EIPR1: variants seen among roughly 807,000 people sequenced by gnomAD.
The protein encoded by EIPR1 is EARP complex and GARP complex interacting protein 1.
In EIPR1, 25 loss-of-function variants were observed where a neutral mutation model predicts 48.1. The ratio of observed to expected loss-of-function variants is 0.52; its 90% CI spans 0.38 to 0.73. The LOEUF (loss-of-function observed/expected upper bound fraction) is 0.73, where lower values mean the gene tolerates loss of function less well. EIPR1 is among the 30% of genes least tolerant of loss of function. The pLI, the probability that EIPR1 is intolerant of heterozygous loss-of-function variation, is 0.00. For missense variants in EIPR1, 415 were observed against 506.2 expected, an observed-to-expected ratio of 0.82 and a Z score of 1.73; for synonymous variants, 204 against 201.9, an observed-to-expected ratio of 1.01 and a Z score of -0.09.
Position 3,286,309 on chromosome 2 carries a change from G to A in EIPR1, c.260-28854C>T, listed in dbSNP as rs934192052. ...GTCACCGTGCCTGCCTGTGTATGAC[G>A]TGTACACACACTGCTCCTGTGTAAA... On this transcript the variant is annotated intron_variant, in intron 3 of 8. Coordinates refer to ENST00000382125, the MANE Select transcript of EIPR1 (RefSeq NM_003310.5). This position sits in a 1 kb window ranked among gnomAD's most constrained non-coding sequence, Gnocchi z 4.2. 6.6e-6 allele frequency among the ~76,000 whole-genome samples: 1 copy of A among 152,214 alleles called. No homozygotes were observed. The highest frequency in any genetic ancestry group is 1.5e-5 in the Non-Finnish European group (1 of 68,036).
intron 3 of EIPR1, among the ~76,000 whole-genome samples, chr2:3,277,219 C>T (rs541907022): frequency 6.6e-6 from 1 of 151,364 alleles, no homozygotes; most frequent in Non-Finnish European, 1.5e-5. Context: ...CACACGGCCC[C>T]GCACCTGTCT....
rs552974024 is a variant in EIPR1 at position 3,326,655 on chromosome 2, C to T, written c.259+11362G>A. On this transcript the variant is annotated intron_variant, in intron 3 of 8. Transcript: ENST00000382125. The stretch of plus-strand genomic sequence containing the variant: ...CAGAGAAAGGGGGAAGAACCCATTC[C>T]GCGTCACACACATTTCACTTCCAGG... 1.8e-4 allele frequency among the ~76,000 whole-genome samples: 27 copies of T among 152,274 alleles called. No homozygotes were observed. The South Asian group carries it at 4.1e-3, about 23-fold the overall frequency.
At chr2:3,190,031 C>A (rs1664549376) in intron 8 of EIPR1, among the ~76,000 whole-genome samples, 1 of 152,040 alleles carries the variant, frequency 6.6e-6, no homozygotes, top group South Asian at 2.1e-4. Flanking sequence ...GGCTGAGGAT[C>A]CCCCAGGACA....
At chr2:3,352,504 C>G (rs1204699952) in intron 2 of EIPR1, among the ~76,000 whole-genome samples, 1 of 152,228 alleles carries the variant, frequency 6.6e-6, no homozygotes, top group Non-Finnish European at 1.5e-5. Context: ...GCCCCTGAGC[C>G]ACCCACACTG....
chr2:3,271,207 T>G (rs554919405), intron 3 of EIPR1, among the ~76,000 whole-genome samples: 2 of 152,342 alleles, frequency 1.3e-5, no homozygotes, highest in East Asian at 3.9e-4. Context: ...AGTTACTTTC[T>G]CCATGCAAGT....
intron 2 of EIPR1, among the ~76,000 whole-genome samples, chr2:3,351,334 A>C (rs567050708): frequency 6.6e-6 from 1 of 152,302 alleles, no homozygotes; most frequent in Non-Finnish European, 1.5e-5. Context: ...TAACTTTGGT[A>C]CCAATGGTTC....
At chr2:3,277,192 C>A (rs1667875005) in intron 3 of EIPR1, among the ~76,000 whole-genome samples, 1 of 151,728 alleles carries the variant, frequency 6.6e-6, no homozygotes, top group Non-Finnish European at 1.5e-5. Flanking sequence ...CCACGCGGCC[C>A]CACACCTGTC....
At chr2:3,267,954 C>T (rs1667543144) in intron 3 of EIPR1, among the ~76,000 whole-genome samples, 2 of 152,240 alleles carry the variant, frequency 1.3e-5, no homozygotes, top group Admixed American at 6.5e-5. Context: ...CCCTGTGTAG[C>T]GCACAGACTG....
intron 3 of EIPR1, among the ~76,000 whole-genome samples, chr2:3,290,802 C>T (rs62121505): frequency 0.032 from 4,889 of 152,330 alleles, 102 homozygotes; most frequent in Non-Finnish European, 0.049. Flanking sequence ...CTGGGTCTTT[C>T]GCGAATCAAC....
rs189500662 is a variant in EIPR1 at position 3,269,110 on chromosome 2, A to G, written c.260-11655T>C. Among the ~76,000 whole-genome samples the G allele has an allele frequency of 7.9e-5, 12 of 152,356 alleles. No individual in the cohort carries two copies. In the East Asian group the frequency reaches 2.3e-3, roughly 29 times the overall value. ...TCCCCATCTACTCCATCATGTGGGC[A>G]TGCTGTACACTGAGCACTGCACATC... On this transcript the variant is annotated intron_variant, in intron 3 of 8. Transcript: ENST00000382125.
chr2:3,295,345 T>C (rs868779705), intron 3 of EIPR1, among the ~76,000 whole-genome samples: 1,132 of 23,280 alleles, frequency 0.049, no homozygotes, highest in African/African-American at 0.053. Flanking sequence ...CACACACACC[T>C]TCCATCCAGC....
chr2:3,341,002 C>G (rs1670221987), intron 2 of EIPR1, among the ~76,000 whole-genome samples: 1 of 142,342 alleles, frequency 7.0e-6, no homozygotes, highest in African/African-American at 2.6e-5. Flanking sequence ...GGGACTGAGG[C>G]AGGAGAATCA....
At chr2:3,248,995 TG>T (rs1298746214) in intron 4 of EIPR1, among the ~76,000 whole-genome samples, 2 of 152,208 alleles carry the variant, frequency 1.3e-5, no homozygotes, top group Non-Finnish European at 2.9e-5. Flanking sequence ...CTCAGTCTCA[TG>T]TATTTCCCTA....
chr2:3,350,045 G>A (rs1208999826), intron 2 of EIPR1, among the ~76,000 whole-genome samples: 2 of 150,500 alleles, frequency 1.3e-5, no homozygotes, highest in East Asian at 3.9e-4. Flanking sequence ...TTGAACCTGG[G>A]AGGCAGAGGT....
chr2:3,365,146 A>C (rs919812005), intron 1 of EIPR1, among the ~76,000 whole-genome samples: 4 of 152,006 alleles, frequency 2.6e-5, no homozygotes, highest in Non-Finnish European at 5.9e-5. Flanking sequence ...TTAATTAAAA[A>C]AAAAAAAGAA....
At position 3,249,160 on chromosome 2, in the gene EIPR1, A is replaced by G. The variant is rs565191126; in HGVS notation, c.416+8139T>C. Among the ~76,000 whole-genome samples, 24 of 152,350 alleles carry G rather than the reference A, an allele frequency of 1.6e-4. No homozygotes were observed. In the South Asian group the frequency reaches 4.8e-3, roughly 30 times the overall value. ...CTCAGAAAAAGAAAGCAAGATGAGA[A>G]AAAGTTTGGAATTTCTTAGAGACTT... On this transcript the variant is annotated intron_variant, in intron 4 of 8. Transcript: ENST00000382125.
chr2:3,237,221 T>TACACACACACACACACACACAC (rs35498711), intron 4 of EIPR1, among the ~76,000 whole-genome samples: 34 of 127,840 alleles, frequency 2.7e-4, no homozygotes, highest in East Asian at 1.1e-3. Flanking sequence ...TTTTGAAAAC[T>TACACACACACACACACACACAC]ACACACACAC....
chr2:3,206,211 C>T (rs1408280168), intron 5 of EIPR1, among the ~76,000 whole-genome samples: 1 of 152,184 alleles, frequency 6.6e-6, no homozygotes, highest in East Asian at 1.9e-4. Context: ...GGATACCTGG[C>T]TGCCAGGGCT....
intron 4 of EIPR1, among the ~76,000 whole-genome samples, chr2:3,224,724 A>T (rs1437007216): frequency 6.6e-6 from 1 of 152,236 alleles, no homozygotes; most frequent in Admixed American, 6.5e-5. Flanking sequence ...ATTCAAATGC[A>T]AGCTCCCTCA....
Sources: gnomAD v4.1 joint callset for allele counts (sites outside exome capture counted in the v4.1 genomes callset) on GRCh38, gnomAD v4.1.1 for gene constraint, Gnocchi (gnomAD v3.1) non-coding constraint, MANE v1.5 for transcripts, NCBI Gene and HGNC (gene_info 2026-07-23, HGNC 2026-07-21) for gene names.